The following TRAPPC9 variants were observed in gnomAD, a reference collection of about 807,000 sequenced individuals.
The protein encoded by TRAPPC9 is trafficking protein particle complex subunit 9.
TRAPPC9 carries 83 observed loss-of-function variants against 124.0 expected under a neutral mutation model. That is an observed-to-expected ratio of 0.67 (90% CI 0.56 to 0.80). The LOEUF is 0.80. TRAPPC9 is among the 30% of genes least tolerant of loss of function. The pLI, the probability that TRAPPC9 is intolerant of heterozygous loss-of-function variation, is 0.00. For missense variants in TRAPPC9, 1,302 were observed against 1,508.3 expected (o/e 0.86, Z 2.27); for synonymous variants, 638 against 617.5 (o/e 1.03, Z -0.49).
intron 17 of TRAPPC9, among the ~76,000 whole-genome samples, chr8:140,196,914 T>C (rs1278668068): frequency 6.6e-6 from 1 of 152,296 alleles, no homozygotes; most frequent in Non-Finnish European, 1.5e-5. Flanking sequence ...ATACAGATCA[T>C]ACCTGTGACA....
intron 21 of TRAPPC9, among the ~76,000 whole-genome samples, chr8:139,869,549 A>T (rs73366227): frequency 0.016 from 2,426 of 152,318 alleles, 58 homozygotes; most frequent in African/African-American, 0.055. Flanking sequence ...ATAAGAAAGG[A>T]TCTTAAAGAA....
At chr8:140,274,848 C>T (rs2065063729) in intron 15 of TRAPPC9, among the ~76,000 whole-genome samples, 1 of 152,186 alleles carries the variant, frequency 6.6e-6, no homozygotes, top group Non-Finnish European at 1.5e-5. Context: ...ACCAGTCAAA[C>T]TCCCCTTGTA....
At chr8:140,082,620 C>G (rs896906692) in intron 17 of TRAPPC9, among the ~76,000 whole-genome samples, 2 of 152,178 alleles carry the variant, frequency 1.3e-5, no homozygotes, top group Non-Finnish European at 2.9e-5. Context: ...AATAGCCTAG[C>G]CTTTGACAAA....
At chr8:140,127,568 C>G (rs904520390) in intron 17 of TRAPPC9, among the ~76,000 whole-genome samples, 2 of 152,190 alleles carry the variant, frequency 1.3e-5, no homozygotes, top group African/African-American at 4.8e-5. Context: ...GCTAAAGAAA[C>G]AAGTATCTCT....
At chr8:139,981,817 C>T (rs1836916377) in intron 19 of TRAPPC9, among the ~76,000 whole-genome samples, 1 of 152,210 alleles carries the variant, frequency 6.6e-6, no homozygotes, top group South Asian at 2.1e-4. Context: ...CGCAGCAGAG[C>T]CATGCCATGA....
chr8:139,776,658 G>A lies in TRAPPC9; in HGVS notation c.3056-44456C>T, dbSNP rs936537329. Reference sequence around the variant, plus strand: ...CCGTCATCTGCCTGTGTGCACGTGTGTGTCTGTGTGTGTGTGCGCACACAC... The same window carrying A: ...CCGTCATCTGCCTGTGTGCACGTGTATGTCTGTGTGTGTGTGCGCACACAC... On this transcript the variant is annotated intron_variant, in intron 21 of 22. Coordinates refer to ENST00000438773, the MANE Select transcript of TRAPPC9 (RefSeq NM_001160372.4). This position sits in a 1 kb window ranked among gnomAD's most constrained non-coding sequence, Gnocchi z 4.1. Among the ~76,000 whole-genome samples the A allele has an allele frequency of 6.6e-6, 1 of 152,084 alleles. No individual in the cohort carries two copies. The highest frequency in any genetic ancestry group is 1.5e-5 in the Non-Finnish European group (1 of 68,034).
At chr8:140,064,192 C>T (rs997355007) in intron 17 of TRAPPC9, among the ~76,000 whole-genome samples, 3 of 152,162 alleles carry the variant, frequency 2.0e-5, no homozygotes, top group Non-Finnish European at 4.4e-5. Context: ...CACTAACCCA[C>T]ATGACCCTTT....
chr8:139,978,370 C>T (rs189567361), intron 19 of TRAPPC9, among the ~76,000 whole-genome samples: 55 of 152,260 alleles, frequency 3.6e-4, no homozygotes, highest in East Asian at 9.6e-4. Context: ...CTGAGACAAC[C>T]GGAAATTTAA....
At chr8:139,934,752 G>A (rs1004637760) in intron 19 of TRAPPC9, among the ~76,000 whole-genome samples, 13 of 152,276 alleles carry the variant, frequency 8.5e-5, no homozygotes, top group Middle Eastern at 6.8e-3. Context: ...GGGCCCAATC[G>A]CAAGGGTTCC....
intron 17 of TRAPPC9, among the ~76,000 whole-genome samples, chr8:140,144,218 T>G (rs2061423184): frequency 6.6e-6 from 1 of 152,256 alleles, no homozygotes; most frequent in Non-Finnish European, 1.5e-5. Flanking sequence ...AAGTTGATTT[T>G]TAAATTCCTG....
At chr8:140,009,259 T>C (rs1208933688) in intron 18 of TRAPPC9, among the ~76,000 whole-genome samples, 2 of 152,220 alleles carry the variant, frequency 1.3e-5, no homozygotes, top group African/African-American at 4.8e-5. Flanking sequence ...GTGGTTCAAA[T>C]ATGGTGCTCT....
At chr8:140,321,149 C>A (rs2066582414) in intron 9 of TRAPPC9, among the ~76,000 whole-genome samples, 1 of 152,210 alleles carries the variant, frequency 6.6e-6, no homozygotes. Flanking sequence ...GGTGCAGATT[C>A]TCAACAGGGG....
intron 18 of TRAPPC9, among the ~76,000 whole-genome samples, chr8:140,018,053 C>A (rs999769749): frequency 5.3e-5 from 8 of 152,048 alleles, no homozygotes; most frequent in Non-Finnish European, 8.8e-5. Flanking sequence ...CCATACTGGC[C>A]AGGCTGGTCT....
chr8:139,804,067 G>A (rs1022405519), intron 21 of TRAPPC9, among the ~76,000 whole-genome samples: 18 of 140,506 alleles, frequency 1.3e-4, no homozygotes, highest in African/African-American at 4.1e-4. Flanking sequence ...ATCAAGCACC[G>A]CCGCCACCAC....
At chr8:140,333,521 G>C (rs2066953069) in intron 9 of TRAPPC9, among the ~76,000 whole-genome samples, 1 of 152,144 alleles carries the variant, frequency 6.6e-6, no homozygotes, top group Admixed American at 6.6e-5. Flanking sequence ...CTCCTCAGTA[G>C]CTGGGATTAC....
At chr8:140,294,544 T>A (rs1212590103) in intron 11 of TRAPPC9, among the ~76,000 whole-genome samples, 1 of 152,208 alleles carries the variant, frequency 6.6e-6, no homozygotes, top group Non-Finnish European at 1.5e-5. Flanking sequence ...TACACTTAGA[T>A]GGTCCATGTC....
intron 2 of TRAPPC9, among the ~76,000 whole-genome samples, chr8:140,442,819 C>G (rs928186717): frequency 2.0e-5 from 3 of 151,836 alleles, no homozygotes; most frequent in African/African-American, 7.3e-5. Flanking sequence ...TTTGCAGGGT[C>G]GGGGATGGTA....
At chr8:140,393,523 A>G (rs1026134820) in intron 7 of TRAPPC9, among the ~76,000 whole-genome samples, 7 of 152,338 alleles carry the variant, frequency 4.6e-5, no homozygotes, top group African/African-American at 1.2e-4. Context: ...AGACAGGTCA[A>G]TCCATATCCC....
intron 21 of TRAPPC9, among the ~76,000 whole-genome samples, chr8:139,873,887 T>C (rs964257583): frequency 6.6e-6 from 1 of 152,222 alleles, no homozygotes; most frequent in Non-Finnish European, 1.5e-5. Context: ...CCAGCCACCA[T>C]GGTGCCACAT....
Sources: gnomAD v4.1 joint callset for allele counts (sites outside exome capture counted in the v4.1 genomes callset) on GRCh38, gnomAD v4.1.1 for gene constraint, Gnocchi (gnomAD v3.1) non-coding constraint, MANE v1.5 for transcripts, NCBI Gene and HGNC (gene_info 2026-07-23, HGNC 2026-07-21) for gene names.